The following ADGRV1 variants were observed in gnomAD, a reference collection of about 807,000 sequenced individuals.
ADGRV1 encodes adhesion G protein-coupled receptor V1.
Under a neutral mutation model 596.2 loss-of-function variants are expected in ADGRV1, and 359 were observed. The ratio of observed to expected loss-of-function variants is 0.60; its 90% CI spans 0.55 to 0.66. The LOEUF (loss-of-function observed/expected upper bound fraction) is 0.66, where lower values mean the gene tolerates loss of function less well. Ranked by LOEUF, ADGRV1 falls within the 30% of genes least tolerant of loss-of-function variation. The pLI, the probability that ADGRV1 is intolerant of heterozygous loss-of-function variation, is 0.00. For missense variants in ADGRV1, 7,274 were observed against 7,575.6 expected, an observed-to-expected ratio of 0.96 and a Z score of 1.48; for synonymous variants, 2,681 against 2,679.2, an observed-to-expected ratio of 1.00 and a Z score of -0.02.
chr5:90,754,341 T>A (rs1056206840), intron 54 of ADGRV1, among the ~76,000 whole-genome samples: 1 of 152,224 alleles, frequency 6.6e-6, no homozygotes, highest in South Asian at 2.1e-4. Context: ...TCATATTAGC[T>A]GCTGGTGAAG....
chr5:91,163,662 A>G, intron 89 of ADGRV1, 120 bp from the exon 90 acceptor site: 2 of 534,550 alleles, frequency 3.7e-6, no homozygotes, highest in Non-Finnish European at 6.8e-6. Flanking sequence ...TTCTAAATGT[A>G]TGGCTTATTT....
chr5:91,117,731 A>C (rs1027733965), intron 87 of ADGRV1, among the ~76,000 whole-genome samples: 1 of 152,242 alleles, frequency 6.6e-6, no homozygotes, highest in African/African-American at 2.4e-5. Flanking sequence ...CTCAAGAGAC[A>C]CAAATAATCA....
chr5:90,811,837 T>C (rs780671110), intron 74 of ADGRV1, among the ~76,000 whole-genome samples: 11 of 151,974 alleles, frequency 7.2e-5, no homozygotes, highest in African/African-American at 1.2e-4. Context: ...TACGTTACAA[T>C]AGCTTAAAAT....
intron 79 of ADGRV1, among the ~76,000 whole-genome samples, chr5:90,851,338 A>G (rs1277603130): frequency 6.6e-6 from 1 of 152,092 alleles, no homozygotes; most frequent in Non-Finnish European, 1.5e-5. Flanking sequence ...CTTGAAAACA[A>G]TTAGGTGGTA....
intron 24 of ADGRV1, 74 bp from the exon 25 acceptor site, chr5:90,676,006 T>C: frequency 8.2e-7 from 1 of 1,212,942 alleles, no homozygotes; most frequent in South Asian, 1.7e-5. Context: ...TTTACAAATT[T>C]GTGTACAGAA....
At chr5:91,141,211 C>T (rs887827763) in intron 87 of ADGRV1, among the ~76,000 whole-genome samples, 1 of 152,176 alleles carries the variant, frequency 6.6e-6, no homozygotes, top group Non-Finnish European at 1.5e-5. Context: ...AAAGTGAAGG[C>T]CTGCTGCCTA....
intron 58 of ADGRV1, chr5:90,760,140 G>T (rs1352581531): frequency 6.5e-6 from 1 of 152,948 alleles, no homozygotes; most frequent in Admixed American, 6.5e-5. Context: ...GCCAGGTGTG[G>T]TGGCGCATGC....
chr5:91,144,558 G>C (rs770170984), intron 87 of ADGRV1, among the ~76,000 whole-genome samples: 19 of 152,222 alleles, frequency 1.2e-4, no homozygotes, highest in Non-Finnish European at 2.5e-4. Context: ...TTCCCACCTT[G>C]GTCTCCCAAG....
intron 75 of ADGRV1, among the ~76,000 whole-genome samples, chr5:90,819,148 G>GT (rs202155930): frequency 0.019 from 2,915 of 152,240 alleles, 98 homozygotes; most frequent in African/African-American, 0.067. Flanking sequence ...TCTTGGGAGA[G>GT]TGTATGTGTC....
At chr5:90,820,885 T>C (rs1763427713) in intron 75 of ADGRV1, among the ~76,000 whole-genome samples, 1 of 152,100 alleles carries the variant, frequency 6.6e-6, no homozygotes, top group South Asian at 2.1e-4. Flanking sequence ...AATCTGACAG[T>C]TATGTGTCTT....
chr5:91,141,748 G>A (rs142762998), intron 87 of ADGRV1, among the ~76,000 whole-genome samples: 76 of 152,254 alleles, frequency 5.0e-4, no homozygotes, highest in African/African-American at 1.8e-3. Flanking sequence ...ATGCAAAACA[G>A]CAGTAGGTCA....
At chr5:91,149,630 G>A (rs149617205) in intron 87 of ADGRV1, among the ~76,000 whole-genome samples, 1,629 of 151,964 alleles carry the variant, frequency 0.011, 37 homozygotes, top group African/African-American at 0.037. Flanking sequence ...TCAGGAGTTC[G>A]AGACCAGCCT....
intron 63 of ADGRV1, 85 bp from the exon 64 acceptor site, chr5:90,778,780 C>G: frequency 8.4e-7 from 1 of 1,186,204 alleles, no homozygotes; most frequent in Non-Finnish European, 1.2e-6. Flanking sequence ...TTAACACAAT[C>G]CTGGTAAATA....
chr5:91,152,584 T>C (rs1171750225), intron 88 of ADGRV1, among the ~76,000 whole-genome samples: 1 of 152,242 alleles, frequency 6.6e-6, no homozygotes, highest in African/African-American at 2.4e-5. Context: ...GAATCACAGA[T>C]TAAATTGTCT....
intron 2 of ADGRV1, 185 bp from the exon 3 acceptor site, chr5:90,617,615 ATTTG>A (rs1482984254): frequency 4.0e-6 from 2 of 502,606 alleles, no homozygotes; most frequent in Non-Finnish European, 7.0e-6. Context: ...GCCTGGAATC[ATTTG>A]TTTATTTCTG....
chr5:90,888,198 G>A (rs945693404), intron 83 of ADGRV1, among the ~76,000 whole-genome samples: 1 of 152,152 alleles, frequency 6.6e-6, no homozygotes, highest in African/African-American at 2.4e-5. Flanking sequence ...TAGTGGAACA[G>A]AGTAGCATTA....
rs1554225539 is a variant in ADGRV1, at chr5:91,107,422, G to GTTTTGTTTTTGTTTTGGT, written c.18432+5097_18432+5098insGGTTTTTGTTTTTGTTTT. ...GGGAGGAGTAGGAATGTTTCGTTTT[G>GTTTTGTTTTTGTTTTGGT]TTTTGTTTTTGTTTTTGTTTTTGTT... On this transcript the variant is annotated intron_variant, in intron 87 of 89. Transcript: ENST00000405460. Among the ~76,000 whole-genome samples the GTTTTGTTTTTGTTTTGGT allele has an allele frequency of 2.9e-3, 431 of 150,678 alleles. 2 individuals carry two copies. The highest frequency in any genetic ancestry group is 0.01 in the African/African-American group (421 of 40,900).
intron 85 of ADGRV1, among the ~76,000 whole-genome samples, chr5:91,004,968 A>G (rs1581765316): frequency 1.3e-5 from 2 of 152,302 alleles, no homozygotes; most frequent in Admixed American, 1.3e-4. Context: ...ATGAACTCTG[A>G]AGTTCTTCCC....
At chr5:90,755,923 A>G (rs1755783835) in intron 55 of ADGRV1, among the ~76,000 whole-genome samples, 4 of 150,728 alleles carry the variant, frequency 2.7e-5, no homozygotes. Context: ...GTATCTCCTG[A>G]AGAGTATAAT....
Sources: gnomAD v4.1 joint callset for allele counts (sites outside exome capture counted in the v4.1 genomes callset) on GRCh38, gnomAD v4.1.1 for gene constraint, MANE v1.5 for transcripts, NCBI Gene and HGNC (gene_info 2026-07-23, HGNC 2026-07-21) for gene names.